The following ZNF362 variants were observed in gnomAD, a reference collection of about 807,000 sequenced individuals.
The protein encoded by ZNF362 is zinc finger protein 362, also known as rotund homolog.
ZNF362 carries 11 observed loss-of-function variants against 42.9 expected under a neutral mutation model. The observed-to-expected ratio is 0.26, with a 90% CI of 0.16 to 0.42. The LOEUF (loss-of-function observed/expected upper bound fraction) is 0.42. Among genes scored for constraint, ZNF362 ranks in the 20% least tolerant of loss-of-function variants. The pLI is 1.00. For synonymous variants in ZNF362, 255 were observed against 257.3 expected (o/e 0.99, Z 0.09); for missense variants, 362 against 576.2 (o/e 0.63, Z 3.81).
the ZNF362 span, among the ~76,000 whole-genome samples, chr1:33,222,182 T>C: frequency 1.3e-5 from 2 of 152,286 alleles, no homozygotes; most frequent in East Asian, 3.9e-4. Context: ...TTGTATACCA[T>C]GGAAATGGCA....
At chr1:33,189,663 A>ATGTATATATATACG in the ZNF362 span, among the ~76,000 whole-genome samples, 3 of 25,412 alleles carry the variant, frequency 1.2e-4, no homozygotes, top group African/African-American at 2.6e-4. Context: ...ATATATATAT[A>ATGTATATATATACG]TATATATATG....
chr1:33,165,844 TCTGG>T, the ZNF362 span: 1 of 281,980 alleles, frequency 3.5e-6, no homozygotes, highest in South Asian at 1.3e-4. This position sits in a 1 kb window ranked among gnomAD's most constrained non-coding sequence, Gnocchi z 4.0. Flanking sequence ...ATACACACTC[TCTGG>T]CTCCCCACAC....
intron 1 of ZNF362, among the ~76,000 whole-genome samples, chr1:33,262,358 G>A (rs1319337147): frequency 2.4e-5 from 1 of 41,092 alleles, no homozygotes. Flanking sequence ...AGGCTGGAGT[G>A]CAGTAGCGCG....
At chr1:33,185,217 A>G in the ZNF362 span, among the ~76,000 whole-genome samples, 1 of 151,440 alleles carries the variant, frequency 6.6e-6, no homozygotes, top group Admixed American at 6.6e-5. Context: ...GCTGAAAGTC[A>G]CAGACTCTTT....
chr1:33,217,233 A>G, the ZNF362 span, among the ~76,000 whole-genome samples: 2 of 152,152 alleles, frequency 1.3e-5, no homozygotes, highest in Non-Finnish European at 2.9e-5. Flanking sequence ...CTAACTTCTG[A>G]CCTTCAGATC....
intron 6 of ZNF362, among the ~76,000 whole-genome samples, chr1:33,289,885 G>A (rs530409577): frequency 1.1e-4 from 16 of 152,280 alleles, no homozygotes; most frequent in East Asian, 9.7e-4. Flanking sequence ...GAGGTGGGCC[G>A]CAGGGAGCCT....
the ZNF362 span, among the ~76,000 whole-genome samples, chr1:33,191,390 C>T: frequency 4.6e-5 from 7 of 152,228 alleles, no homozygotes; most frequent in African/African-American, 1.7e-4. Flanking sequence ...TTCCATTTCC[C>T]TTCTTCCTAT....
chr1:33,191,576 T>A, the ZNF362 span, among the ~76,000 whole-genome samples: 4 of 152,066 alleles, frequency 2.6e-5, no homozygotes, highest in African/African-American at 9.7e-5. Context: ...ACGATCTTGG[T>A]TCACTGCAAC....
the ZNF362 span, among the ~76,000 whole-genome samples, chr1:33,244,643 C>T: frequency 6.6e-6 from 1 of 152,192 alleles, no homozygotes; most frequent in South Asian, 2.1e-4. This position sits in a 1 kb window ranked among gnomAD's most constrained non-coding sequence, Gnocchi z 4.0. Flanking sequence ...GTGACAGTTA[C>T]AGAGTTGCCT....
chr1:33,224,453 T>C, the ZNF362 span, among the ~76,000 whole-genome samples: 2 of 152,230 alleles, frequency 1.3e-5, no homozygotes, highest in Non-Finnish European at 2.9e-5. Flanking sequence ...TTGCTATCTA[T>C]ATGAGATACA....
the ZNF362 span, chr1:33,146,844 T>C: frequency 6.8e-5 from 25 of 369,492 alleles, no homozygotes; most frequent in East Asian, 1.4e-3. Context: ...AGGTCAGGGC[T>C]GGGCTGGAGG....
chr1:33,147,165 C>T, the ZNF362 span: 5 of 1,611,130 alleles, frequency 3.1e-6, no homozygotes, highest in South Asian at 4.4e-5. This position sits in a 1 kb window ranked among gnomAD's most constrained non-coding sequence, Gnocchi z 8.1. Context: ...TTGTGGTCTC[C>T]TTCTGCCTGG....
chr1:33,161,160 C>T, the ZNF362 span, among the ~76,000 whole-genome samples: 4 of 152,186 alleles, frequency 2.6e-5, no homozygotes, highest in East Asian at 1.9e-4. The surrounding 1 kb of genome is among the most constrained non-coding windows in gnomAD (Gnocchi z 4.3). Flanking sequence ...CACTCCAAGG[C>T]GCAGAGAAAG....
the ZNF362 span, among the ~76,000 whole-genome samples, chr1:33,129,183 G>C: frequency 3.7e-4 from 57 of 152,260 alleles, no homozygotes; most frequent in Admixed American, 9.8e-4. The surrounding 1 kb of genome is among the most constrained non-coding windows in gnomAD (Gnocchi z 4.1). Flanking sequence ...GGCATATTAC[G>C]AAGAAGTGAT....
chr1:33,222,970 C>A, the ZNF362 span, among the ~76,000 whole-genome samples: 18 of 152,054 alleles, frequency 1.2e-4, no homozygotes, highest in African/African-American at 4.3e-4. Flanking sequence ...AGGAGTTTCC[C>A]AGCTGGGCAC....
chr1:33,181,244 C>A, the ZNF362 span: 1 of 1,554,070 alleles, frequency 6.4e-7, no homozygotes, highest in Non-Finnish European at 8.7e-7. The surrounding 1 kb of genome is among the most constrained non-coding windows in gnomAD (Gnocchi z 6.5). Context: ...TGAGGCTGGG[C>A]GCCAGCGCGG....
Position 33,299,017 on chromosome 1 carries a change from G to C in ZNF362, c.1234G>C (p.Gly412Arg), listed in dbSNP as rs35620942. Residue 412 changes from glycine to arginine, a missense_variant, in exon 9 of 9, where the codon GGC (glycine) becomes CGC (arginine). This residue lies in a region of ZNF362 where 68 missense variants were observed against 107.4 expected (regional missense o/e 0.63). Transcript: ENST00000539719. The part of the protein sequence containing the change: ...HHSPQRTESP[G>R]IPVRISLI ...CTCGCCCCAGAGGACGGAGTCCCCCGGCATCCCGGTGCGAATCTCTCTCAT... is the reference window on the plus strand; with the variant it reads ...CTCGCCCCAGAGGACGGAGTCCCCCCGCATCCCGGTGCGAATCTCTCTCAT... 2.3e-4 allele frequency: 372 copies of C among 1,611,366 alleles called. No homozygotes were observed. Among genetic ancestry groups the C allele is most frequent in the Non-Finnish European group, 2.6e-4 (310 of 1,179,982 alleles).
At chr1:33,254,897 A>G (rs1039213022), upstream of ZNF362, among the ~76,000 whole-genome samples, 1 of 152,138 alleles carries the variant, frequency 6.6e-6, no homozygotes, top group African/African-American at 2.4e-5. Flanking sequence ...ATCTCATTGA[A>G]TTTCTCAACA....
the ZNF362 span, among the ~76,000 whole-genome samples, chr1:33,128,756 T>G: frequency 6.6e-6 from 1 of 152,220 alleles, no homozygotes; most frequent in Non-Finnish European, 1.5e-5. Flanking sequence ...GGGCAAGGCT[T>G]CTGGGAGAAG....
Sources: allele counts gnomAD v4.1 joint callset (sites outside exome capture counted in the v4.1 genomes callset), GRCh38; gene constraint gnomAD v4.1.1; regional missense constraint gnomAD v4.1.1; non-coding constraint Gnocchi (gnomAD v3.1); transcripts MANE v1.5; gene names NCBI Gene and HGNC (gene_info 2026-07-23, HGNC 2026-07-21).